The following DLG4 variants were observed in gnomAD, a reference collection of about 807,000 sequenced individuals.
DLG4 encodes discs large MAGUK scaffold protein 4, also known as disks large homolog 4.
A neutral mutation model predicts 93.8 loss-of-function variants in DLG4; 7 were observed. The observed-to-expected ratio is 0.07, with a 90% confidence interval of 0.04 to 0.14. The LOEUF (loss-of-function observed/expected upper bound fraction) is 0.14. DLG4 is among the 10% of genes least tolerant of loss of function. The probability of loss-of-function intolerance (pLI) is 1.00; values close to 1 mark genes in which losing one functional copy is unlikely to be tolerated. For missense variants in DLG4, 545 were observed against 992.9 expected (o/e 0.55, Z 6.06); for synonymous variants, 341 against 387.6 (o/e 0.88, Z 1.41).
At chr17:7,205,544 C>G (rs899928713) in intron 2 of DLG4, among the ~76,000 whole-genome samples, 2 of 152,146 alleles carry the variant, frequency 1.3e-5, no homozygotes, top group Non-Finnish European at 2.9e-5. Flanking sequence ...ACTGCTATTT[C>G]TCAAGCCTAC....
chr17:7,200,522 T>C (rs886958811), intron 8 of DLG4, among the ~76,000 whole-genome samples: 20 of 149,860 alleles, frequency 1.3e-4, no homozygotes, highest in African/African-American at 4.9e-4. Flanking sequence ...CTGTTATTTA[T>C]CTTACAAATA....
In DLG4 at chr17:7,190,740, A is replaced by G; in HGVS notation, c.2143T>C (p.Tyr715His). The stretch of plus-strand genomic sequence containing the variant: ...CTCTCTCGGGCTGGAACCCAGATGT[A>G]GGGGCCTGAGAGGTCCTCGATGACA... ...KRVIEDLSGP[Y>H]IWVPARERL is the part of the protein sequence containing the mutation. Residue 715 changes from tyrosine (Y) to histidine (H), a missense_variant, in exon 20 of 20, where the codon TAC becomes CAC. Transcript: ENST00000399506. 1 of 1,613,714 alleles carries G rather than the reference A, an allele frequency of 6.2e-7. No individual in the cohort carries two copies. Among genetic ancestry groups the G allele is most frequent in the Non-Finnish European group, 8.5e-7 (1 of 1,179,722 alleles).
intron 1 of DLG4, among the ~76,000 whole-genome samples, chr17:7,214,513 C>G (rs1906618053): frequency 6.6e-6 from 1 of 152,130 alleles, no homozygotes; most frequent in Admixed American, 6.5e-5. Context: ...TGAATGAGGC[C>G]GTCGGCCACA....
At chr17:7,206,507 T>G (rs2070470498) in intron 2 of DLG4, among the ~76,000 whole-genome samples, 2 of 151,964 alleles carry the variant, frequency 1.3e-5, no homozygotes, top group East Asian at 3.9e-4. Flanking sequence ...CTGTACTAAC[T>G]ACCACCCCTC....
intron 1 of DLG4, among the ~76,000 whole-genome samples, chr17:7,211,241 A>G (rs1307529620): frequency 6.6e-6 from 1 of 151,804 alleles, no homozygotes; most frequent in Non-Finnish European, 1.5e-5. Flanking sequence ...AGGACGGGAA[A>G]GGAGGACCCC....
rs1206844950 is a variant in DLG4 at position 7,193,913 on chromosome 17, G to A, written c.1516-42C>T. 7 of 1,612,776 alleles carry A rather than the reference G, an allele frequency of 4.3e-6. No homozygotes were observed. The highest frequency in any genetic ancestry group is 1.7e-5 in the Admixed American group (1 of 59,860). On this transcript the variant is annotated intron_variant, in intron 13 of 19. Coordinates refer to ENST00000399506, the MANE Select transcript of DLG4 (RefSeq NM_001321075.3). The surrounding 1 kb of genome is among the most constrained non-coding windows in gnomAD (Gnocchi z 6.7). ...GGCCACGGGGTTAGTTATGAGCTCAGCTCCATGAGCCCTCACACTTCCACC... is the reference window on the plus strand; with the variant it reads ...GGCCACGGGGTTAGTTATGAGCTCAACTCCATGAGCCCTCACACTTCCACC...
In DLG4 at chr17:7,192,914, G is replaced by A. The variant is rs2069580780; in HGVS notation, c.1866+31C>T. On this transcript the variant is annotated intron_variant, in intron 17 of 19. Coordinates refer to ENST00000399506, the MANE Select transcript of DLG4 (RefSeq NM_001321075.3). ...GCAGTGGGGTGGGGAGAGGGGAGAA[G>A]GAAGAGGACCGGGTGCCCGCCAGGT... 6 of 1,573,324 alleles carry A rather than the reference G, an allele frequency of 3.8e-6. No homozygotes were observed. The South Asian group carries it at 5.7e-5, about 15-fold the overall frequency.
chr17:7,212,288 A>T (rs2070743518), intron 1 of DLG4, among the ~76,000 whole-genome samples: 1 of 152,180 alleles, frequency 6.6e-6, no homozygotes, highest in South Asian at 2.1e-4. Context: ...CCTGCAGTCC[A>T]GCCCCACCTG....
Position 7,217,198 on chromosome 17 carries a change from G to A in DLG4, c.-51C>T. The A allele has an allele frequency of 7.9e-7, 1 of 1,266,606 alleles. No homozygotes were observed. The highest frequency in any genetic ancestry group is 1.6e-5 in the African/African-American group (1 of 64,404). 78.5% of individuals were successfully genotyped at this position (1,266,606 alleles called of 1,614,324 possible). On this transcript the variant is annotated 5_prime_UTR_variant, in exon 1 of 20. Coordinates refer to ENST00000399506, the MANE Select transcript of DLG4 (RefSeq NM_001321075.3). The stretch of plus-strand genomic sequence containing the variant: ...GGTAAGGGGCTCTGACTTCATCGGA[G>A]TTTCGTTCCTCCCCTCCGTGGGTTC...
intron 2 of DLG4, 182 bp downstream of exon 2, chr17:7,207,992 C>A (rs927546752): frequency 1.2e-5 from 13 of 1,116,938 alleles, no homozygotes; most frequent in Non-Finnish European, 2.2e-6. Context: ...ACGGCTCTCT[C>A]TCACCCTACC....
At chr17:7,204,321 T>G in intron 2 of DLG4, 69 bp from the exon 3 acceptor site, 1 of 1,464,656 alleles carries the variant, frequency 6.8e-7, no homozygotes, top group South Asian at 1.4e-5. Flanking sequence ...TAACGGAGGG[T>G]CCCATCAGCG....
rs2069410536 is a variant in DLG4 at position 7,190,112 on chromosome 17, A to G, written c.*596T>C. The G allele has an allele frequency of 6.9e-6, 1 of 144,090 alleles. No homozygotes were observed. The highest frequency in any genetic ancestry group is 1.5e-5 in the Non-Finnish European group (1 of 66,818). 8.9% of individuals were successfully genotyped at this position (144,090 alleles called of 1,614,324 possible). ...AAAAAAAGCCACATTTAGACCTTCCACTCATGCAAACCGGCAAAGAAAAAT... is the reference window on the plus strand; with the variant it reads ...AAAAAAAGCCACATTTAGACCTTCCGCTCATGCAAACCGGCAAAGAAAAAT... On this transcript the variant is annotated 3_prime_UTR_variant, in exon 20 of 20. Coordinates refer to ENST00000399506, the MANE Select transcript of DLG4 (RefSeq NM_001321075.3).
Position 7,191,281 on chromosome 17 carries a change from G to T in DLG4, c.2054C>A (p.Thr685Lys). The change falls in exon 19 of 20, where the codon ACA becomes AAA. Residue 685 changes from threonine (T) to lysine (K), a missense_variant. By Grantham distance (78) the Thr-to-Lys change is moderately conservative (BLOSUM62 -1). This residue lies in a region of DLG4 where 428 missense variants were observed against 741.4 expected (regional missense o/e 0.58). Coordinates refer to ENST00000399506, the MANE Select transcript of DLG4 (RefSeq NM_001321075.3). This position sits in a 1 kb window ranked among gnomAD's most constrained non-coding sequence, Gnocchi z 6.6. The stretch of plus-strand genomic sequence containing the variant: ...TGTGGCCTCACCTGAGAAGCACTCT[G>T]TGAACTCCTGCTCCAGCTTGGTGGC... ...DRATKLEQEF[T>K]ECFSAIVEGD... The T allele has an allele frequency of 6.2e-7, 1 of 1,613,956 alleles. No homozygotes were observed. Among genetic ancestry groups the T allele is most frequent in the Non-Finnish European group, 8.5e-7 (1 of 1,179,852 alleles).
chr17:7,219,698 G>C, upstream of DLG4: 1 of 1,383,148 alleles, frequency 7.2e-7, no homozygotes, highest in Non-Finnish European at 9.4e-7. Context: ...TTCCTCTTCT[G>C]TCCCATCCTA....
At chr17:7,218,249 C>T (rs2071024756), upstream of DLG4, 1 of 1,609,774 alleles carries the variant, frequency 6.2e-7, no homozygotes, top group Non-Finnish European at 8.5e-7. Flanking sequence ...ACCTGACTCT[C>T]TGAGAGGGAA....
intron 8 of DLG4, 192 bp downstream of exon 8, chr17:7,202,711 T>C: frequency 2.7e-6 from 2 of 745,394 alleles, no homozygotes; most frequent in Non-Finnish European, 4.2e-6. Context: ...AGAGAGATCG[T>C]TGACGATCTT....
At position 7,196,989 on chromosome 17, in the gene DLG4, G is replaced by A. The variant is rs780093933; in HGVS notation, c.851C>T (p.Thr284Ile). ...HSSYLGTDYP[T>I]AMTPTSPRRY... ...CCGAGGGGAAGTGGGGGTCATGGCTGTGGGGTAGTCGGTGCCCAGGTAGCT... is the reference window on the plus strand; with the variant it reads ...CCGAGGGGAAGTGGGGGTCATGGCTATGGGGTAGTCGGTGCCCAGGTAGCT... Residue 284 changes from threonine to isoleucine, a missense_variant, in exon 9 of 20, where the codon ACA becomes ATA. By Grantham distance (89) the Thr-to-Ile change is moderately conservative. This residue lies in a region of DLG4 where 428 missense variants were observed against 741.4 expected (regional missense o/e 0.58). Coordinates refer to ENST00000399506, the MANE Select transcript of DLG4 (RefSeq NM_001321075.3). The surrounding 1 kb of genome is among the most constrained non-coding windows in gnomAD (Gnocchi z 8.3). 2 of 1,613,766 alleles carry A rather than the reference G, an allele frequency of 1.2e-6. No individual in the cohort carries two copies. The highest frequency in any genetic ancestry group is 1.7e-6 in the Non-Finnish European group (2 of 1,179,796).
At position 7,193,038 on chromosome 17, in the gene DLG4, C is replaced by T. The variant is rs1451165382; in HGVS notation, c.1773G>A (p.Lys591=). 7 of 1,613,656 alleles carry T rather than the reference C, an allele frequency of 4.3e-6. No homozygotes were observed. In the African/African-American group the frequency reaches 5.3e-5, roughly 12 times the overall value. Residue 591 remains lysine, a synonymous_variant, in exon 17 of 20, where the codon AAG becomes AAA. Transcript: ENST00000399506. This position sits in a 1 kb window ranked among gnomAD's most constrained non-coding sequence, Gnocchi z 6.7. The part of the protein sequence containing the change: ...HFVSSREKME[K]DIQAHKFIEA... The stretch of plus-strand genomic sequence containing the variant: ...CAATGAACTTGTGCGCCTGAATGTC[C>T]TTCTCCATTTTCTCCCGGGACGACA...
Position 7,197,043 on chromosome 17 carries a change from T to C in DLG4, c.797A>G (p.Gln266Arg). 3 of 1,609,580 alleles carry C rather than the reference T, an allele frequency of 1.9e-6. No individual in the cohort carries two copies. The highest frequency in any genetic ancestry group is 2.5e-6 in the Non-Finnish European group (3 of 1,177,182). ...GTGACTGATCTCATTGTCCAGGTGC[T>C]GGGAATAAGCTGAGGAAGACAGGGC... ...APPDITTSYS[Q>R]HLDNEISHSS... The change falls in exon 9 of 20, where the codon CAG becomes CGG. Residue 266 changes from glutamine (Q) to arginine (R), a missense_variant. Gln to Arg is a conservative substitution (Grantham distance 43). Around this residue, in one of 5 missense-constraint regions of DLG4, gnomAD observed 428 missense variants for 741.4 expected, o/e 0.58. Transcript: ENST00000399506.
Sources: allele counts gnomAD v4.1 joint callset (sites outside exome capture counted in the v4.1 genomes callset), GRCh38; gene constraint gnomAD v4.1.1; regional missense constraint gnomAD v4.1.1; non-coding constraint Gnocchi (gnomAD v3.1); transcripts MANE v1.5; gene names NCBI Gene and HGNC (gene_info 2026-07-23, HGNC 2026-07-21).